ANKRD31: variants seen among roughly 807,000 people sequenced by gnomAD.
ANKRD31 encodes the protein ankyrin repeat domain 31.
ANKRD31 carries 147 observed loss-of-function variants against 186.0 expected under a neutral mutation model. The ratio of observed to expected loss-of-function variants is 0.79; its 90% CI spans 0.69 to 0.91. The LOEUF is 0.91. Ranked by LOEUF, ANKRD31 falls within the 40% of genes least tolerant of loss-of-function variation. The pLI, the probability that ANKRD31 is intolerant of heterozygous loss-of-function variation, is 0.00. For missense variants in ANKRD31, 1,986 were observed against 2,148.8 expected (o/e 0.92, Z 1.50); for synonymous variants, 673 against 736.4 (o/e 0.91, Z 1.39).
intron 10 of ANKRD31, among the ~76,000 whole-genome samples, chr5:75,181,420 A>G (rs1350617108): frequency 1.3e-5 from 2 of 152,168 alleles, no homozygotes; most frequent in Non-Finnish European, 2.9e-5. Flanking sequence ...ATGCTGCTAT[A>G]AAGACACATG....
intron 22 of ANKRD31, among the ~76,000 whole-genome samples, chr5:75,096,556 T>C (rs1410332622): frequency 6.6e-6 from 1 of 152,216 alleles, no homozygotes; most frequent in Non-Finnish European, 1.5e-5. Context: ...TTGCAATTGC[T>C]TGTGGCGATT....
intron 2 of ANKRD31, among the ~76,000 whole-genome samples, chr5:75,229,383 A>T (rs1052569717): frequency 6.6e-6 from 1 of 152,186 alleles, no homozygotes; most frequent in Non-Finnish European, 1.5e-5. Context: ...GAAAAAGGCT[A>T]TATGGGTGGC....
chr5:75,228,154 A>G (rs1181589997), intron 2 of ANKRD31, among the ~76,000 whole-genome samples: 2 of 152,206 alleles, frequency 1.3e-5, no homozygotes, highest in Admixed American at 6.5e-5. Flanking sequence ...ATTGACATCA[A>G]ATGAAGTTGG....
chr5:75,233,431 A>G (rs1027714553), intron 1 of ANKRD31, among the ~76,000 whole-genome samples: 3 of 152,036 alleles, frequency 2.0e-5, no homozygotes, highest in African/African-American at 7.2e-5. Flanking sequence ...ACTTATTTTA[A>G]ATTTACATAA....
intron 10 of ANKRD31, among the ~76,000 whole-genome samples, chr5:75,187,022 A>AGAGTGTGT (rs145286853): frequency 5.6e-5 from 8 of 142,720 alleles, no homozygotes; most frequent in African/African-American, 2.1e-4. Flanking sequence ...TGAGACACAG[A>AGAGTGTGT]GTGTGTGTGT....
chr5:75,216,888 C>T (rs1756992488), intron 3 of ANKRD31, among the ~76,000 whole-genome samples: 1 of 152,106 alleles, frequency 6.6e-6, no homozygotes. Flanking sequence ...TCTTAACACT[C>T]CTTAGCTGTG....
chr5:75,149,468 G>A (rs1400824837), intron 12 of ANKRD31, among the ~76,000 whole-genome samples: 1 of 151,930 alleles, frequency 6.6e-6, no homozygotes, highest in East Asian at 1.9e-4. Context: ...ATTATGAGCT[G>A]CATAATGAAG....
chr5:75,160,162 T>C (rs1752477994), intron 11 of ANKRD31, among the ~76,000 whole-genome samples: 1 of 152,012 alleles, frequency 6.6e-6, no homozygotes, highest in Non-Finnish European at 1.5e-5. Context: ...ATTGTATTTA[T>C]AAAATATACA....
intron 19 of ANKRD31, among the ~76,000 whole-genome samples, 160 bp downstream of exon 19, chr5:75,116,406 T>C (rs1748267346): frequency 6.6e-6 from 1 of 151,534 alleles, no homozygotes; most frequent in Admixed American, 6.6e-5. Context: ...ACTTAAAGTA[T>C]AATAATAATA....
At chr5:75,232,628 C>A (rs1026900145) in intron 1 of ANKRD31, among the ~76,000 whole-genome samples, 1 of 151,642 alleles carries the variant, frequency 6.6e-6, no homozygotes, top group Admixed American at 6.6e-5. Flanking sequence ...GGGATAATGA[C>A]ACTATTCTAT....
intron 9 of ANKRD31, among the ~76,000 whole-genome samples, chr5:75,192,134 T>C (rs1755157090): frequency 6.6e-6 from 1 of 152,162 alleles, no homozygotes; most frequent in South Asian, 2.1e-4. Context: ...CGCTGCAGTA[T>C]TATTATCAAA....
At chr5:75,190,053 G>C (rs1754997822) in intron 9 of ANKRD31, among the ~76,000 whole-genome samples, 1 of 151,186 alleles carries the variant, frequency 6.6e-6, no homozygotes, top group Non-Finnish European at 1.5e-5. Context: ...TCTTCTCCAG[G>C]GTATTGCCCA....
At chr5:75,200,880 C>A (rs1755781077) in intron 5 of ANKRD31, among the ~76,000 whole-genome samples, 1 of 150,374 alleles carries the variant, frequency 6.7e-6, no homozygotes, top group African/African-American at 2.5e-5. Context: ...CCACTGCACT[C>A]CAGCCTGGGC....
chr5:75,213,450 G>T (rs553846606), intron 3 of ANKRD31, among the ~76,000 whole-genome samples: 29 of 152,240 alleles, frequency 1.9e-4, no homozygotes, highest in Admixed American at 1.3e-3. Flanking sequence ...AGGAAGGAAG[G>T]TTGCTCCTGA....
chr5:75,157,580 T>C (rs1240385689), intron 11 of ANKRD31, among the ~76,000 whole-genome samples: 1 of 152,182 alleles, frequency 6.6e-6, no homozygotes, highest in Non-Finnish European at 1.5e-5. Flanking sequence ...CTGGAAAACC[T>C]TTGTTAATGC....
In ANKRD31 at chr5:75,169,026, A is replaced by G. The variant is rs1231661122; in HGVS notation, c.1660T>C (p.Tyr554His). The G allele has an allele frequency of 3.9e-6, 6 of 1,536,544 alleles. No individual in the cohort carries two copies. Among genetic ancestry groups the G allele is most frequent in the Non-Finnish European group, 5.2e-6 (6 of 1,146,446 alleles). ...GGADVNIKGL[Y>H]QITPLHDAVM... The stretch of plus-strand genomic sequence containing the variant: ...GCATCATGTAGGGGAGTAATCTGGT[A>G]TAATCCTTTGATATTTACATCTGCT... Residue 554 changes from tyrosine to histidine, a missense_variant, in exon 11 of 26, where the codon TAC becomes CAC. By Grantham distance (83) the Tyr-to-His change is moderately conservative. Transcript: ENST00000506364.
At position 75,091,353 on chromosome 5, in the gene ANKRD31, C is replaced by G. The variant is rs1197751565; in HGVS notation, c.5380G>C (p.Glu1794Gln). Residue 1794 changes from glutamate (E) to glutamine (Q), a missense_variant, in exon 23 of 26, where the codon GAA (glutamate) becomes CAA (glutamine). Physicochemically the swap from Glu to Gln is conservative, Grantham distance 29. Transcript: ENST00000506364. ...GGGTTTTTATAAATCTGACCACTTT[C>G]TACCTTAAGTTTACCATTCAATAAA... is the stretch of plus-strand genomic sequence containing the variant. ...SILLNGKLKVESGQIYKNPVT... is the reference protein window; with the variant it reads ...SILLNGKLKVQSGQIYKNPVT... The G allele has an allele frequency of 6.5e-7, 1 of 1,537,066 alleles. No homozygotes were observed. The highest frequency in any genetic ancestry group is 8.7e-7 in the Non-Finnish European group (1 of 1,146,832).
chr5:75,079,507 T>C (rs981064302), intron 25 of ANKRD31, among the ~76,000 whole-genome samples: 14 of 152,020 alleles, frequency 9.2e-5, no homozygotes. Flanking sequence ...TTTGCTCTTG[T>C]TGACCAGGCT....
chr5:75,070,036 T>C (rs1316914578), intron 25 of ANKRD31, among the ~76,000 whole-genome samples: 3 of 152,184 alleles, frequency 2.0e-5, no homozygotes, highest in Non-Finnish European at 1.5e-5. Flanking sequence ...TGGTCTTTCA[T>C]GTAAATGAGT....
Sources: allele counts gnomAD v4.1 joint callset (sites outside exome capture counted in the v4.1 genomes callset), GRCh38; gene constraint gnomAD v4.1.1; transcripts MANE v1.5; gene names NCBI Gene and HGNC (gene_info 2026-07-23, HGNC 2026-07-21).